FLNB: variants seen among roughly 807,000 people sequenced by gnomAD.
FLNB encodes filamin-B.
A neutral mutation model predicts 250.6 loss-of-function variants in FLNB; 111 were observed. The observed-to-expected ratio is 0.44, with a 90% confidence interval of 0.38 to 0.52. The LOEUF (loss-of-function observed/expected upper bound fraction) is 0.52, where lower values mean the gene tolerates loss of function less well. Ranked by LOEUF, FLNB falls within the 20% of genes least tolerant of loss-of-function variation. FLNB has a pLI of 0.00. For synonymous variants in FLNB, 1,302 were observed against 1,372.1 expected (o/e 0.95, Z 1.13); for missense variants, 2,869 against 3,447.8 (o/e 0.83, Z 4.20).
chr3:58,119,183 C>T lies in FLNB; in HGVS notation c.2863+194C>T, dbSNP rs532851140. Among the ~76,000 whole-genome samples, 3 of 152,088 alleles carry T rather than the reference C, an allele frequency of 2.0e-5. No individual in the cohort carries two copies. In the South Asian group the frequency reaches 6.3e-4, roughly 32 times the overall value. ...GACTGTGTCTGCCCCTTAGCCACAC[C>T]GAGACTCAGCTTTCTCATTTGTACA... On this transcript the variant is annotated intron_variant, in intron 19 of 45. Coordinates refer to ENST00000295956, the MANE Select transcript of FLNB (RefSeq NM_001457.4).
rs375494750 is a variant in FLNB at position 58,081,854 on chromosome 3, T to A, written c.787+78T>A. 2.0e-6 allele frequency: 3 copies of A among 1,512,610 alleles called. No homozygotes were observed. In the East Asian group the frequency reaches 6.8e-5, roughly 34 times the overall value. 93.7% of individuals were successfully genotyped at this position (1,512,610 alleles called of 1,614,324 possible). A position where few individuals can be genotyped will look rare whatever the true frequency, so the allele number is the denominator to read the frequency against. On this transcript the variant is annotated intron_variant, in intron 4 of 45. Coordinates refer to ENST00000295956, the MANE Select transcript of FLNB (RefSeq NM_001457.4). ...GATGATTTCATGGCTTCAAGAGTGA[T>A]GTTCTTAGAATCAAAAATAGATAGG...
chr3:58,107,571 T>G (rs1181834186), intron 12 of FLNB, among the ~76,000 whole-genome samples: 1 of 152,236 alleles, frequency 6.6e-6, no homozygotes, highest in Admixed American at 6.5e-5. Context: ...GGGGATCATA[T>G]GTCAGTCTTA....
rs1312668547 is a variant in FLNB at position 58,024,719 on chromosome 3, TTTTTTTTTTA to T, written c.292+15864_292+15873del. Among the ~76,000 whole-genome samples, 273 of 100,632 alleles carry T rather than the reference TTTTTTTTTTA, an allele frequency of 2.7e-3. 4 individuals are homozygous for T. The highest frequency in any genetic ancestry group is 0.016 in the African/African-American group (208 of 12,630). The allele number at this position is 100,632 out of a possible 152,430, so 66.0% of individuals were successfully genotyped here. On this transcript the variant is annotated intron_variant, in intron 1 of 45. Transcript: ENST00000295956. Reference sequence around the variant, plus strand: ...AAGCCTCCTTTTTTTTTTTTTTTTTTTTTTTTTTTAACCTTGAGACAGTCTTGCTTTGTTG... The same window carrying T: ...AAGCCTCCTTTTTTTTTTTTTTTTTTACCTTGAGACAGTCTTGCTTTGTTG...
At chr3:58,093,388 G>C (rs1314886710) in intron 4 of FLNB, among the ~76,000 whole-genome samples, 2 of 152,170 alleles carry the variant, frequency 1.3e-5, no homozygotes, top group African/African-American at 4.8e-5. Context: ...GACATTAACT[G>C]AGACTACAGT....
At chr3:58,059,712 C>T (rs1196426426) in intron 1 of FLNB, among the ~76,000 whole-genome samples, 1 of 152,180 alleles carries the variant, frequency 6.6e-6, no homozygotes, top group Non-Finnish European at 1.5e-5. Context: ...TGTACTTGTT[C>T]TGTTTATCTT....
chr3:58,070,202 TA>T (rs2097192084), intron 1 of FLNB, among the ~76,000 whole-genome samples: 2 of 151,786 alleles, frequency 1.3e-5, no homozygotes, highest in Non-Finnish European at 2.9e-5. Context: ...CGCCTGCCAT[TA>T]TGCCCTGCTA....
At position 58,121,311 on chromosome 3, in the gene FLNB, C is replaced by A; in HGVS notation, c.2934C>A (p.Asp978Glu). 9 of 1,614,106 alleles carry A rather than the reference C, an allele frequency of 5.6e-6. No homozygotes were observed. Among genetic ancestry groups the A allele is most frequent in the Non-Finnish European group, 7.6e-6 (9 of 1,180,010 alleles). Residue 978 changes from aspartate (D) to glutamate (E), a missense_variant, in exon 20 of 46, where the codon GAC (aspartate) becomes GAA (glutamate). This residue lies in a region of FLNB where 1,348 missense variants were observed against 1,466.7 expected (regional missense o/e 0.92). Coordinates refer to ENST00000295956, the MANE Select transcript of FLNB (RefSeq NM_001457.4). ...GGGCAGGAGGCCAGGGGAAGCTGGA[C>A]GTGACAATCCTCAGCCCCTCTCGGA... ...TRGAGGQGKL[D>E]VTILSPSRKV...
intron 1 of FLNB, among the ~76,000 whole-genome samples, chr3:58,026,374 G>A (rs1002794122): frequency 6.6e-6 from 1 of 152,188 alleles, no homozygotes; most frequent in African/African-American, 2.4e-5. Flanking sequence ...GGGTCATGGT[G>A]GGGCTGCCTG....
At chr3:58,093,584 CA>C (rs769845901) in intron 4 of FLNB, among the ~76,000 whole-genome samples, 13 of 151,948 alleles carry the variant, frequency 8.6e-5, no homozygotes, top group Non-Finnish European at 1.6e-4. Context: ...ACTCTGGAAC[CA>C]GGGGCAGAGA....
At chr3:58,057,280 T>C (rs2097172030) in intron 1 of FLNB, among the ~76,000 whole-genome samples, 1 of 152,242 alleles carries the variant, frequency 6.6e-6, no homozygotes, top group South Asian at 2.1e-4. Context: ...ATGCCTGGCC[T>C]GCAACTTCTA....
At chr3:58,013,593 G>C (rs568061806) in intron 1 of FLNB, among the ~76,000 whole-genome samples, 167 of 152,330 alleles carry the variant, frequency 1.1e-3, no homozygotes, top group African/African-American at 3.6e-3. Flanking sequence ...GGGAGGCCAA[G>C]GTGGGTGGAT....
At chr3:58,053,663 T>C (rs1411279711) in intron 1 of FLNB, among the ~76,000 whole-genome samples, 1 of 152,012 alleles carries the variant, frequency 6.6e-6, no homozygotes, top group Non-Finnish European at 1.5e-5. Flanking sequence ...AGGGTTTCAC[T>C]GTGTTAGTCA....
intron 9 of FLNB, among the ~76,000 whole-genome samples, chr3:58,102,992 C>G (rs2097253519): frequency 6.6e-6 from 1 of 152,162 alleles, no homozygotes; most frequent in South Asian, 2.1e-4. Context: ...TTCAGCACTT[C>G]TAGTCTCGGG....
Position 58,092,486 on chromosome 3 carries a change from A to AT in FLNB, c.788-2345dup, listed in dbSNP as rs904044368. Among the ~76,000 whole-genome samples the AT allele has an allele frequency of 2.0e-4, 30 of 152,086 alleles. 1 individual carries two copies. The highest frequency in any genetic ancestry group is 2.9e-5 in the Non-Finnish European group (2 of 68,010). ...TAGGGAGATTGCATCTCTACAAATA[A>AT]TTTTTAAAAATTATACAGGTGTGGT... On this transcript the variant is annotated intron_variant, in intron 4 of 45. Coordinates refer to ENST00000295956, the MANE Select transcript of FLNB (RefSeq NM_001457.4).
chr3:58,121,563 C>T, intron 20 of FLNB, 60 bp downstream of exon 20: 2 of 1,587,266 alleles, frequency 1.3e-6, no homozygotes, highest in Non-Finnish European at 1.7e-6. Context: ...ACACCATAGT[C>T]CTTCTCTGGT....
rs56147140 is a variant in FLNB at position 58,123,703 on chromosome 3, TAAAAAAAAAAAA to T, written c.3724+25_3724+36del. On this transcript the variant is annotated intron_variant, in intron 21 of 45. Coordinates refer to ENST00000295956, the MANE Select transcript of FLNB (RefSeq NM_001457.4). The stretch of plus-strand genomic sequence containing the variant: ...ATAGAAGGGAAAGGTGGGTTTCATT[TAAAAAAAAAAAA>T]AAAAAAAAAAAGACAAGCTGGGACT... 22 of 1,117,368 alleles carry T rather than the reference TAAAAAAAAAAAA, an allele frequency of 2.0e-5. 1 individual carries two copies. Among genetic ancestry groups the T allele is most frequent in the Middle Eastern group, 5.9e-4 (2 of 3,392 alleles). 69.2% of individuals were successfully genotyped at this position (1,117,368 alleles called of 1,614,324 possible). A position where few individuals can be genotyped will look rare whatever the true frequency, so the allele number is the denominator to read the frequency against.
chr3:58,071,193 ATCC>A (rs1233405259), intron 1 of FLNB, among the ~76,000 whole-genome samples: 2 of 149,542 alleles, frequency 1.3e-5, no homozygotes, highest in Non-Finnish European at 3.0e-5. Context: ...GGCTCGAGCT[ATCC>A]TCCTGTCTCA....
chr3:58,140,180 G>A (rs187266119), intron 29 of FLNB, among the ~76,000 whole-genome samples: 382 of 152,188 alleles, frequency 2.5e-3, no homozygotes, highest in South Asian at 5.4e-3. Context: ...TAAGTTTGAC[G>A]CCAAAAAAGG....
chr3:58,018,978 A>T (rs2106702874), intron 1 of FLNB, among the ~76,000 whole-genome samples: 1 of 151,622 alleles, frequency 6.6e-6, no homozygotes, highest in Admixed American at 6.6e-5. Context: ...AAAAAAAAAA[A>T]AAAAAAATTA....
Sources: gnomAD v4.1 joint callset for allele counts (sites outside exome capture counted in the v4.1 genomes callset) on GRCh38, gnomAD v4.1.1 for gene constraint, gnomAD v4.1.1 regional missense constraint, MANE v1.5 for transcripts, NCBI Gene and HGNC (gene_info 2026-07-23, HGNC 2026-07-21) for gene names.